The following AMZ2 variants were observed in gnomAD, a reference collection of about 807,000 sequenced individuals.
AMZ2 encodes archaelysin family metallopeptidase 2, also known as archaemetzincin-2.
In AMZ2, 26 loss-of-function variants were observed where a neutral mutation model predicts 36.7. The observed-to-expected ratio is 0.71, with a 90% CI of 0.52 to 0.98. AMZ2 has a LOEUF of 0.98. Among genes scored for constraint, AMZ2 ranks in the 50% least tolerant of loss-of-function variants. The pLI, the probability that AMZ2 is intolerant of heterozygous loss-of-function variation, is 0.00. For synonymous variants in AMZ2, 144 were observed against 149.1 expected (o/e 0.97, Z 0.25); for missense variants, 394 against 430.5 (o/e 0.92, Z 0.75).
rs2074866804 is a variant in AMZ2, at chr17:68,255,870, A to C, written c.921A>C (p.Arg307Ser). Reference protein sequence around the residue: ...QCAVGFSIVERYKALVRWIDD... With the variant: ...QCAVGFSIVESYKALVRWIDD... Reference sequence around the variant, plus strand: ...CTGTTGGCTTCAGCATTGTAGAAAGATACAAAGTAAGTTGGGGGGTGGACA... The same window carrying C: ...CTGTTGGCTTCAGCATTGTAGAAAGCTACAAAGTAAGTTGGGGGGTGGACA... The change falls in exon 6 of 7, where the codon AGA becomes AGC. Residue 307 changes from arginine to serine, a missense_variant. By Grantham distance (110) the Arg-to-Ser change is moderately radical (BLOSUM62 -1). Coordinates refer to ENST00000359904, the MANE Select transcript of AMZ2 (RefSeq NM_016627.5). The C allele has an allele frequency of 6.2e-7, 1 of 1,613,864 alleles. No homozygotes were observed. The highest frequency in any genetic ancestry group is 1.3e-5 in the African/African-American group (1 of 74,832).
At chr17:68,217,628 C>T (rs6501239) in intron 1 of AMZ2, among the ~76,000 whole-genome samples, 46,583 of 151,860 alleles carry the variant, frequency 0.31, 7,286 homozygotes, top group African/African-American at 0.35. Context: ...TGGTAGATTA[C>T]ATGTGGACTC....
At chr17:68,208,874 C>T (rs2072928215) in intron 1 of AMZ2, among the ~76,000 whole-genome samples, 1 of 152,136 alleles carries the variant, frequency 6.6e-6, no homozygotes, top group African/African-American at 2.4e-5. Flanking sequence ...AGCGAGACCA[C>T]GAACCCACCA....
intron 5 of AMZ2, 79 bp downstream of exon 5, chr17:68,254,646 A>G (rs2144768243): frequency 3.2e-6 from 4 of 1,247,288 alleles, no homozygotes; most frequent in South Asian, 1.5e-5. Flanking sequence ...GTCAGTCCGT[A>G]AGGTAATATT....
At chr17:68,250,992 G>A (rs2074417994) in intron 3 of AMZ2, 25 bp downstream of exon 3, 4 of 1,610,914 alleles carry the variant, frequency 2.5e-6, no homozygotes, top group Admixed American at 1.7e-5. Flanking sequence ...TTTGCAATTC[G>A]AACTGAGTAT....
At chr17:68,209,632 A>ATATATATATATATGTATATATTTT in intron 1 of AMZ2, among the ~76,000 whole-genome samples, 1 of 90,698 alleles carries the variant, frequency 1.1e-5, no homozygotes, top group Non-Finnish European at 2.0e-5. Context: ...ATATATATAT[A>ATATATATATATATGTATATATTTT]TTTTTTTTTT....
intron 1 of AMZ2, chr17:68,207,320 C>CCCA (rs1485505702): frequency 1.4e-5 from 2 of 140,846 alleles, no homozygotes; most frequent in African/African-American, 5.4e-5. Flanking sequence ...AATACCCCCC[C>CCCA]CCCACAAAGG....
At chr17:68,232,577 A>AT (rs1347487013) in intron 1 of AMZ2, among the ~76,000 whole-genome samples, 1 of 151,470 alleles carries the variant, frequency 6.6e-6, no homozygotes, top group Non-Finnish European at 1.5e-5. Context: ...GTGGTTTTGG[A>AT]TCATGCCTAT....
chr17:68,243,236 G>A (rs2073940373), upstream of AMZ2, among the ~76,000 whole-genome samples: 2 of 151,886 alleles, frequency 1.3e-5, no homozygotes, highest in Admixed American at 1.3e-4. Flanking sequence ...CCGGGTTCAA[G>A]CAATTCTCCT....
chr17:68,244,728 G>C (rs1158840907), upstream of AMZ2, among the ~76,000 whole-genome samples: 3 of 152,194 alleles, frequency 2.0e-5, no homozygotes, highest in East Asian at 5.8e-4. Context: ...AGAATGCAGG[G>C]ATTCTTTATA....
intron 1 of AMZ2, among the ~76,000 whole-genome samples, chr17:68,220,780 C>CTTTT: frequency 8.1e-6 from 1 of 123,102 alleles, no homozygotes; most frequent in Non-Finnish European, 1.7e-5. Context: ...CTTTTTCTTT[C>CTTTT]TCTTTTTTTT....
In AMZ2 at chr17:68,209,632, A is replaced by ATATATATATGTATATATATTT; in HGVS notation, c.-67+3395_-67+3396insATATATATGTATATATATTTT. 2.9e-3 allele frequency among the ~76,000 whole-genome samples: 259 copies of ATATATATATGTATATATATTT among 90,520 alleles called. 2 individuals carry two copies. The highest frequency in any genetic ancestry group is 0.011 in the East Asian group (26 of 2,388). 59.4% of individuals were successfully genotyped at this position (90,520 alleles called of 152,430 possible). A position where few individuals can be genotyped will look rare whatever the true frequency, so the allele number is the denominator to read the frequency against. On this transcript the variant is annotated intron_variant, in intron 1 of 7. Coordinates refer to the AMZ2 transcript ENST00000674770. ...TATGTATATATATATATATATATAT[A>ATATATATATGTATATATATTT]TTTTTTTTTTTTTTTATACAGAGTC...
intron 1 of AMZ2, among the ~76,000 whole-genome samples, chr17:68,228,412 C>T (rs191232503): frequency 2.4e-4 from 36 of 152,268 alleles, no homozygotes; most frequent in African/African-American, 7.0e-4. Context: ...GACTGGACCA[C>T]AGCCCAGGCC....
chr17:68,243,632 G>C (rs2073947339), upstream of AMZ2, among the ~76,000 whole-genome samples: 1 of 152,066 alleles, frequency 6.6e-6, no homozygotes, highest in South Asian at 2.1e-4. Flanking sequence ...TGGGTCAATA[G>C]GTATGAACAT....
At chr17:68,241,932 A>G in intron 1 of AMZ2, among the ~76,000 whole-genome samples, 1 of 146,994 alleles carries the variant, frequency 6.8e-6, no homozygotes, top group East Asian at 2.0e-4. Flanking sequence ...TGTAGCAGAG[A>G]CGAGGGTTCG....
At chr17:68,221,210 C>CT (rs2073351233) in intron 1 of AMZ2, among the ~76,000 whole-genome samples, 1 of 6,236 alleles carries the variant, frequency 1.6e-4, no homozygotes, top group Non-Finnish European at 4.8e-4. Context: ...GCCCTCAGCT[C>CT]CCCCCCCCGC....
At chr17:68,253,368 A>C (rs2074636042) in intron 4 of AMZ2, among the ~76,000 whole-genome samples, 1 of 152,228 alleles carries the variant, frequency 6.6e-6, no homozygotes, top group Non-Finnish European at 1.5e-5. Context: ...AGACATAAAT[A>C]AAAGTGATCA....
intron 1 of AMZ2, among the ~76,000 whole-genome samples, chr17:68,240,369 A>T (rs1347832055): frequency 6.6e-6 from 1 of 152,228 alleles, no homozygotes; most frequent in Non-Finnish European, 1.5e-5. Context: ...TAAAATAATC[A>T]TAACAAGAAA....
chr17:68,208,836 C>T (rs1352221205), intron 1 of AMZ2, among the ~76,000 whole-genome samples: 1 of 151,986 alleles, frequency 6.6e-6, no homozygotes, highest in Non-Finnish European at 1.5e-5. Context: ...CCTGGAAGGT[C>T]AAGGTCTGCA....
chr17:68,247,980 G>T, upstream of AMZ2: 2 of 984,692 alleles, frequency 2.0e-6, no homozygotes, highest in Non-Finnish European at 2.4e-6. Flanking sequence ...CACAGGGCGT[G>T]CGCGACGCAG....
Sources: gnomAD v4.1 joint callset for allele counts (sites outside exome capture counted in the v4.1 genomes callset) on GRCh38, gnomAD v4.1.1 for gene constraint, MANE v1.5 for transcripts, NCBI Gene and HGNC (gene_info 2026-07-23, HGNC 2026-07-21) for gene names.